The following HOXA3 variants were observed in gnomAD, a reference collection of about 807,000 sequenced individuals.
The protein encoded by HOXA3 is homeobox A3.
A neutral mutation model predicts 30.3 loss-of-function variants in HOXA3; 8 were observed. The ratio of observed to expected loss-of-function variants is 0.26; its 90% CI spans 0.15 to 0.48. The LOEUF (loss-of-function observed/expected upper bound fraction) is 0.48, where lower values mean the gene tolerates loss of function less well. Among genes scored for constraint, HOXA3 ranks in the 20% least tolerant of loss-of-function variants. The pLI, the probability that HOXA3 is intolerant of heterozygous loss-of-function variation, is 0.99. For missense variants in HOXA3, 653 were observed against 614.4 expected, an observed-to-expected ratio of 1.06 and a Z score of -0.66; for synonymous variants, 323 against 273.1, an observed-to-expected ratio of 1.18 and a Z score of -1.80.
intron 5 of HOXA3, among the ~76,000 whole-genome samples, chr7:27,109,291 T>G (rs550456382): frequency 6.6e-6 from 1 of 152,318 alleles, no homozygotes; most frequent in East Asian, 1.9e-4. Flanking sequence ...GCCTAGGCCC[T>G]TCATGCTAGG....
intron 1 of HOXA3, chr7:27,145,958 G>A: frequency 6.3e-7 from 1 of 1,590,954 alleles, no homozygotes; most frequent in Non-Finnish European, 8.5e-7. Context: ...GCCAGGGCCT[G>A]GAGGGTTGAC....
intron 1 of HOXA3, chr7:27,142,990 G>T: frequency 7.0e-7 from 1 of 1,435,358 alleles, no homozygotes. Flanking sequence ...GAAGAGAGGG[G>T]GGACCGAGAG....
Position 27,152,458 on chromosome 7 carries a change from C to G in HOXA3, c.-664G>C. 8.7e-7 allele frequency: 1 copy of G among 1,153,890 alleles called. No individual in the cohort carries two copies. Among genetic ancestry groups the G allele is most frequent in the Non-Finnish European group, 1.1e-6 (1 of 922,712 alleles). 71.5% of individuals were successfully genotyped at this position (1,153,890 alleles called of 1,614,324 possible). A position where few individuals can be genotyped will look rare whatever the true frequency, so the allele number is the denominator to read the frequency against. On this transcript the variant is annotated 5_prime_UTR_variant, in exon 1 of 6. Coordinates refer to ENST00000612286, the MANE Select transcript of HOXA3 (RefSeq NM_153631.3). The stretch of plus-strand genomic sequence containing the variant: ...GGAACGGAGCGCGCCCAATCTCCAG[C>G]GGGAGCCGCCAGGCCTGGCCTGGCC...
At chr7:27,137,631 TC>T (rs1785755014) in intron 2 of HOXA3, among the ~76,000 whole-genome samples, 1 of 152,252 alleles carries the variant, frequency 6.6e-6, no homozygotes, top group African/African-American at 2.4e-5. Context: ...AAAAAAATCT[TC>T]CAGTAACACA....
intron 1 of HOXA3, among the ~76,000 whole-genome samples, chr7:27,149,124 C>T (rs1782884638): frequency 6.6e-6 from 1 of 152,248 alleles, no homozygotes; most frequent in South Asian, 2.1e-4. Flanking sequence ...TCCTGAGCTG[C>T]TCACTCTTGC....
rs73288595 is a variant in HOXA3 at position 27,131,258 on chromosome 7, A to C, written c.-389-4188T>G. On this transcript the variant is annotated intron_variant, in intron 2 of 5. Transcript: ENST00000612286. ...TGTCCTTCAGGGGTTCTAGGCTAAC[A>C]GGCGAAAGGAAGGGCGTTGGGACCG... 4.4e-3 allele frequency among the ~76,000 whole-genome samples: 668 copies of C among 152,308 alleles called. 7 individuals carry two copies. Among genetic ancestry groups the C allele is most frequent in the African/African-American group, 0.015 (643 of 41,570 alleles).
intron 1 of HOXA3, chr7:27,145,771 G>T (rs369149965): frequency 1.1e-5 from 18 of 1,614,200 alleles, no homozygotes; most frequent in Non-Finnish European, 1.5e-5. Flanking sequence ...TTGATCTGGC[G>T]CTCGGTGAGG....
rs1562730693 is a variant in HOXA3 at position 27,145,452 on chromosome 7, GTTTTGTTTTGTTTTGTTTT to G, written c.-493-5285_-493-5267del. ...TGGTATTGGCTGTGTGTGAGGTTTTGTTTTGTTTTGTTTTGTTTTGTTTTGTTTTGTTTTGTTTTGTTTT... is the reference window on the plus strand; with the variant it reads ...TGGTATTGGCTGTGTGTGAGGTTTTGGTTTTGTTTTGTTTTGTTTTGTTTT... On this transcript the variant is annotated intron_variant, in intron 1 of 5. Coordinates refer to ENST00000612286, the MANE Select transcript of HOXA3 (RefSeq NM_153631.3). 839 of 558,078 alleles carry G rather than the reference GTTTTGTTTTGTTTTGTTTT, an allele frequency of 1.5e-3. 11 individuals are homozygous for G. Among genetic ancestry groups the G allele is most frequent in the South Asian group, 2.9e-3 (137 of 47,276 alleles). 34.6% of individuals were successfully genotyped at this position (558,078 alleles called of 1,614,324 possible).
Position 27,108,548 on chromosome 7 carries a change from G to A in HOXA3, c.699C>T (p.Arg233=), listed in dbSNP as rs769323414. The change falls in exon 6 of 6, where the codon CGC becomes CGT. Residue 233 remains arginine, a synonymous_variant. Transcript: ENST00000612286. This position sits in a 1 kb window ranked among gnomAD's most constrained non-coding sequence, Gnocchi z 5.0. Reference sequence around the variant, plus strand: ...GATTCTGGAACCAGATCTTGATCTGGCGCTCAGTGAGGTTCAGCAGATTGG... The same window carrying A: ...GATTCTGGAACCAGATCTTGATCTGACGCTCAGTGAGGTTCAGCAGATTGG... The part of the protein sequence containing the change: ...EMANLLNLTE[R]QIKIWFQNRR... 5 of 1,614,160 alleles carry A rather than the reference G, an allele frequency of 3.1e-6. No homozygotes were observed. Among genetic ancestry groups the A allele is most frequent in the Non-Finnish European group, 4.2e-6 (5 of 1,180,008 alleles).
chr7:27,143,865 G>T (rs1186165381), intron 1 of HOXA3, among the ~76,000 whole-genome samples: 4 of 152,106 alleles, frequency 2.6e-5, no homozygotes, highest in Admixed American at 2.6e-4. Flanking sequence ...TGGCGCGCGC[G>T]CCCCGGGCGC....
At chr7:27,144,176 G>C (rs1289273497) in intron 1 of HOXA3, among the ~76,000 whole-genome samples, 1 of 152,138 alleles carries the variant, frequency 6.6e-6, no homozygotes, top group Non-Finnish European at 1.5e-5. Flanking sequence ...TTTTTGTGTC[G>C]AGGTTGGGGT....
At chr7:27,129,476 G>C (rs1461081214) in intron 2 of HOXA3, 2 of 1,614,174 alleles carry the variant, frequency 1.2e-6, no homozygotes. Context: ...GTCAGGTATC[G>C]ATTGAAGTGG....
chr7:27,140,000 C>G (rs1308342694), intron 2 of HOXA3, 83 bp downstream of exon 2: 3 of 41,372 alleles, frequency 7.3e-5, no homozygotes, highest in African/African-American at 2.7e-4. Context: ...AGTTATTGAA[C>G]CAGAGAGAGA....
chr7:27,139,240 A>G (rs1785815203), intron 2 of HOXA3, among the ~76,000 whole-genome samples: 1 of 152,234 alleles, frequency 6.6e-6, no homozygotes, highest in South Asian at 2.1e-4. Flanking sequence ...CAGACTCACA[A>G]GCGGCTGAGA....
At chr7:27,111,892 T>A (rs1003921399) in intron 4 of HOXA3, among the ~76,000 whole-genome samples, 2 of 152,110 alleles carry the variant, frequency 1.3e-5, no homozygotes, top group Admixed American at 6.5e-5. Context: ...GTCATTTGGC[T>A]CCCGACGAGG....
chr7:27,108,842 A>G lies in HOXA3; in HGVS notation c.527-122T>C, dbSNP rs1387666607. On this transcript the variant is annotated intron_variant, in intron 5 of 5. Transcript: ENST00000612286. The surrounding 1 kb of genome is among the most constrained non-coding windows in gnomAD (Gnocchi z 5.0). ...GGTTCCTGCATCCGTCAGGTCCCAG[A>G]GAGAAGTAGGAACTAGGTGCTATCC... The G allele has an allele frequency of 1.4e-6, 1 of 695,826 alleles. No individual in the cohort carries two copies. The highest frequency in any genetic ancestry group is 1.8e-5 in the African/African-American group (1 of 55,660). The allele number at this position is 695,826 out of a possible 1,614,324, so 43.1% of individuals were successfully genotyped here. A position where few individuals can be genotyped will look rare whatever the true frequency, so the allele number is the denominator to read the frequency against.
At chr7:27,112,368 A>T (rs557699528) in intron 4 of HOXA3, among the ~76,000 whole-genome samples, 98 of 152,362 alleles carry the variant, frequency 6.4e-4, no homozygotes, top group African/African-American at 2.2e-3. Flanking sequence ...CTACCAGTAG[A>T]TGATTATAAT....
intron 2 of HOXA3, chr7:27,133,998 T>C (rs1785641917): frequency 6.6e-6 from 1 of 152,232 alleles, no homozygotes; most frequent in East Asian, 1.9e-4. Flanking sequence ...GGTCACTCCT[T>C]CTCAGGAAAA....
At chr7:27,130,250 C>A (rs1170778046) in intron 2 of HOXA3, 1 of 1,252,314 alleles carries the variant, frequency 8.0e-7, no homozygotes. Flanking sequence ...CCTGGGGTGG[C>A]GGGGGCCGCC....
Sources: allele counts gnomAD v4.1 joint callset (sites outside exome capture counted in the v4.1 genomes callset), GRCh38; gene constraint gnomAD v4.1.1; non-coding constraint Gnocchi (gnomAD v3.1); transcripts MANE v1.5; gene names NCBI Gene and HGNC (gene_info 2026-07-23, HGNC 2026-07-21).